The following DEFB116 variants were observed in gnomAD, a reference collection of about 807,000 sequenced individuals.
The protein encoded by DEFB116 is defensin beta 116.
In DEFB116, 5 loss-of-function variants were observed where a neutral mutation model predicts 2.8. That is an observed-to-expected ratio of 1.80 (90% CI 0.94 to 3.79). The LOEUF (loss-of-function observed/expected upper bound fraction) is 3.79, where lower values mean the gene tolerates loss of function less well. Among genes scored for constraint, DEFB116 ranks in the 30% most tolerant of loss-of-function variants. DEFB116 has a pLI of 0.00. For synonymous variants in DEFB116, 56 were observed against 40.8 expected (o/e 1.37, Z -1.42); for missense variants, 170 against 118.0 (o/e 1.44, Z -2.04).
Position 31,305,837 on chromosome 20 carries a change from A to G in DEFB116, c.68-2384T>C, listed in dbSNP as rs528921838. ...AATAACCTGGCATATTTTTACGTAT[A>G]TTCATACTAAGTCTCTAGAATTTCT... On this transcript the variant is annotated intron_variant, in intron 1 of 1. Transcript: ENST00000400549. 2.6e-5 allele frequency among the ~76,000 whole-genome samples: 4 copies of G among 152,176 alleles called. No individual in the cohort carries two copies. The South Asian group carries it at 8.3e-4, about 31-fold the overall frequency.
At position 31,303,406 on chromosome 20, in the gene DEFB116, G is replaced by C. The variant is rs770289014; in HGVS notation, c.115C>G (p.Pro39Ala). The C allele has an allele frequency of 6.2e-7, 1 of 1,613,514 alleles. No individual in the cohort carries two copies. Among genetic ancestry groups the C allele is most frequent in the Non-Finnish European group, 8.5e-7 (1 of 1,179,578 alleles). The change falls in exon 2 of 2, where the codon CCA (proline) becomes GCA (alanine). Residue 39 changes from proline to alanine, a missense_variant. Physicochemically the swap from Pro to Ala is conservative, Grantham distance 27 (BLOSUM62 -1). Transcript: ENST00000400549. ...CACATGCCTTGGTAAAGCTCACATG[G>C]ATTCCAAGGCTCTCGGCTCTTGCCA... ...HNGKSREPWN[P>A]CELYQGMCRN...
At chr20:31,306,419 T>C (rs529232312) in intron 1 of DEFB116, among the ~76,000 whole-genome samples, 17 of 152,292 alleles carry the variant, frequency 1.1e-4, no homozygotes, top group African/African-American at 4.1e-4. Context: ...TTCCTGCTCA[T>C]AAATTCTGCC....
chr20:31,303,243 A>T lies in DEFB116; in HGVS notation c.278T>A (p.Val93Asp), dbSNP rs1984922410. The change falls in exon 2 of 2, where the codon GTT becomes GAT. Residue 93 changes from valine to aspartate, a missense_variant. By Grantham distance (152) the Val-to-Asp change is radical. Transcript: ENST00000400549. Reference protein sequence around the residue: ...EDYDSNSNLSVTNSSSYSHI With the variant: ...EDYDSNSNLSDTNSSSYSHI ...GTGAGAGTAGCTTGAACTGTTTGTA[A>T]CTGACAAGTTGGAGTTAGAGTCGTA... The T allele has an allele frequency of 2.5e-6, 4 of 1,613,374 alleles. No homozygotes were observed. Among genetic ancestry groups the T allele is most frequent in the African/African-American group, 1.3e-5 (1 of 74,870 alleles).
At chr20:31,307,626 A>T (rs1041099346) in intron 1 of DEFB116, among the ~76,000 whole-genome samples, 1 of 152,054 alleles carries the variant, frequency 6.6e-6, no homozygotes, top group Non-Finnish European at 1.5e-5. Context: ...AAATGAAGAA[A>T]CAACCTATGG....
intron 1 of DEFB116, among the ~76,000 whole-genome samples, chr20:31,306,288 G>A (rs1431067774): frequency 2.0e-5 from 3 of 152,148 alleles, no homozygotes; most frequent in Non-Finnish European, 4.4e-5. Context: ...CATCAGAAAT[G>A]TGTAGATTTA....
At chr20:31,305,620 T>A (rs968658984) in intron 1 of DEFB116, among the ~76,000 whole-genome samples, 2 of 152,066 alleles carry the variant, frequency 1.3e-5, no homozygotes, top group Non-Finnish European at 2.9e-5. Context: ...AATCTCTCCA[T>A]CTTCCGATTG....
intron 1 of DEFB116, among the ~76,000 whole-genome samples, chr20:31,306,656 G>A (rs1224979039): frequency 1.3e-5 from 2 of 152,050 alleles, no homozygotes; most frequent in Non-Finnish European, 2.9e-5. Context: ...ATGTGAAATA[G>A]AAGGAATATG....
intron 1 of DEFB116, among the ~76,000 whole-genome samples, chr20:31,305,479 A>AT (rs995554689): frequency 6.6e-6 from 1 of 152,098 alleles, no homozygotes; most frequent in African/African-American, 2.4e-5. Context: ...ATTTAAATAA[A>AT]TTTTTTAAAT....
intron 1 of DEFB116, among the ~76,000 whole-genome samples, chr20:31,305,910 G>A (rs1361780913): frequency 6.6e-6 from 1 of 152,094 alleles, no homozygotes; most frequent in Non-Finnish European, 1.5e-5. Flanking sequence ...CTTTGCAAGA[G>A]TTCCCCAGAA....
chr20:31,308,513 A>G lies in DEFB116; in HGVS notation c.67+6T>C. The stretch of plus-strand genomic sequence containing the variant: ...CGCCAGAACCTTTGAGAGAGGCCTG[A>G]GTTACCTGGAGTCTTTTGAGCCAGG... On this transcript the variant is annotated splice_donor_region_variant and intron_variant, in intron 1 of 1. Transcript: ENST00000400549. 1.2e-6 allele frequency: 2 copies of G among 1,613,440 alleles called. No individual in the cohort carries two copies. Among genetic ancestry groups the G allele is most frequent in the African/African-American group, 1.3e-5 (1 of 75,024 alleles).
chr20:31,308,458 G>A (rs574641497), intron 1 of DEFB116, 61 bp downstream of exon 1: 28 of 1,562,652 alleles, frequency 1.8e-5, no homozygotes, highest in Middle Eastern at 3.4e-4. Flanking sequence ...CACTGCAGAG[G>A]TCACCAAGAT....
chr20:31,307,052 A>C (rs1316254610), intron 1 of DEFB116, among the ~76,000 whole-genome samples: 1 of 152,154 alleles, frequency 6.6e-6, no homozygotes, highest in Non-Finnish European at 1.5e-5. Flanking sequence ...ACAAAAAGCT[A>C]TACATATTTA....
chr20:31,304,215 T>A (rs564791723), intron 1 of DEFB116, among the ~76,000 whole-genome samples: 2 of 152,240 alleles, frequency 1.3e-5, no homozygotes, highest in East Asian at 3.9e-4. Flanking sequence ...GGTGTGTACA[T>A]GAGTGAACAT....
chr20:31,308,422 G>T, intron 1 of DEFB116, 97 bp downstream of exon 1: 4 of 1,213,140 alleles, frequency 3.3e-6, no homozygotes, highest in Non-Finnish European at 4.9e-6. Context: ...GGCTTTAGGT[G>T]TTGCCCACTA....
chr20:31,307,167 C>T (rs1163651498), intron 1 of DEFB116, among the ~76,000 whole-genome samples: 3 of 152,072 alleles, frequency 2.0e-5, no homozygotes, highest in Admixed American at 6.6e-5. Context: ...TTTTCTCCCA[C>T]CATCTTATTT....
At chr20:31,306,842 G>A (rs1985000848) in intron 1 of DEFB116, among the ~76,000 whole-genome samples, 1 of 152,042 alleles carries the variant, frequency 6.6e-6, no homozygotes, top group African/African-American at 2.4e-5. Flanking sequence ...GATTTGACAG[G>A]AGACAATTCC....
At chr20:31,304,891 T>A (rs904980788) in intron 1 of DEFB116, among the ~76,000 whole-genome samples, 1 of 152,000 alleles carries the variant, frequency 6.6e-6, no homozygotes, top group Non-Finnish European at 1.5e-5. Context: ...ATGGAAAAAA[T>A]GAATACTTTG....
At chr20:31,305,586 C>T (rs1013545549) in intron 1 of DEFB116, among the ~76,000 whole-genome samples, 4 of 152,110 alleles carry the variant, frequency 2.6e-5, no homozygotes, top group Non-Finnish European at 5.9e-5. Context: ...TTGACATCCA[C>T]ATCAAATTAA....
At position 31,305,955 on chromosome 20, in the gene DEFB116, C is replaced by T. The variant is rs139532083; in HGVS notation, c.68-2502G>A. On this transcript the variant is annotated intron_variant, in intron 1 of 1. Transcript: ENST00000400549. ...GGGCTCCTGTTTGCAGTGAAAGCCA[C>T]GATTCTGCCTAGCCTTCTCACATTC... Among the ~76,000 whole-genome samples the T allele has an allele frequency of 3.9e-4, 59 of 152,162 alleles. 1 individual carries two copies. The highest frequency in any genetic ancestry group is 1.3e-3 in the African/African-American group (52 of 41,540).
Sources: gnomAD v4.1 joint callset for allele counts (sites outside exome capture counted in the v4.1 genomes callset) on GRCh38, gnomAD v4.1.1 for gene constraint, MANE v1.5 for transcripts, NCBI Gene and HGNC (gene_info 2026-07-23, HGNC 2026-07-21) for gene names.